The following EXD3 variants were observed in gnomAD, a reference collection of about 807,000 sequenced individuals.
EXD3 encodes exonuclease 3'-5' domain containing 3, also known as exonuclease mut-7 homolog.
EXD3 carries 92 observed loss-of-function variants against 98.0 expected under a neutral mutation model. The observed-to-expected ratio is 0.94, with a 90% CI of 0.79 to 1.12. The LOEUF (loss-of-function observed/expected upper bound fraction) is 1.12, where lower values mean the gene tolerates loss of function less well. Ranked by LOEUF, EXD3 falls within the 50% of genes most tolerant of loss-of-function variation. The pLI, the probability that EXD3 is intolerant of heterozygous loss-of-function variation, is 0.00. For synonymous variants in EXD3, 569 were observed against 526.0 expected (o/e 1.08, Z -1.12); for missense variants, 1,222 against 1,191.6 (o/e 1.03, Z -0.38).
Position 137,395,668 on chromosome 9 carries a change from G to GT in EXD3, c.-47-265_-47-264insA, listed in dbSNP as rs945603068. On this transcript the variant is annotated intron_variant, in intron 1 of 21. Transcript: ENST00000340951. This position sits in a 1 kb window ranked among gnomAD's most constrained non-coding sequence, Gnocchi z 6.5. ...GAGGGCAGGGGGTGGGAGGGGCCCTGGGGGGGGGCACAGTAGACAGACCCT... is the reference window on the plus strand; with the variant it reads ...GAGGGCAGGGGGTGGGAGGGGCCCTGTGGGGGGGGCACAGTAGACAGACCCT... 2.3e-4 allele frequency among the ~76,000 whole-genome samples: 34 copies of GT among 150,972 alleles called. 1 individual carries two copies. The highest frequency in any genetic ancestry group is 8.3e-4 in the African/African-American group (34 of 41,174).
At chr9:137,421,930 T>TAAA (rs1838540199) in intron 1 of EXD3, among the ~76,000 whole-genome samples, 1 of 152,178 alleles carries the variant, frequency 6.6e-6, no homozygotes, top group Non-Finnish European at 1.5e-5. Flanking sequence ...TTTGTTTTTT[T>TAAA]CATCCTGGCA....
At chr9:137,353,147 C>T (rs71510814) in intron 10 of EXD3, 31 of 984,454 alleles carry the variant, frequency 3.1e-5, no homozygotes, top group Non-Finnish European at 3.7e-5. Context: ...CACCGGCCCT[C>T]CTGGCCTCCA....
chr9:137,318,265 C>G (rs1831811357), intron 19 of EXD3, among the ~76,000 whole-genome samples: 1 of 152,108 alleles, frequency 6.6e-6, no homozygotes, highest in African/African-American at 2.4e-5. Flanking sequence ...TCCCCAGGGT[C>G]CCTGCCCAGC....
At chr9:137,377,123 A>G (rs1308309915) in intron 3 of EXD3, 1 of 152,142 alleles carries the variant, frequency 6.6e-6, no homozygotes, top group Non-Finnish European at 1.5e-5. Flanking sequence ...ACGTGGTTAC[A>G]GCCAAACACA....
chr9:137,415,803 T>C (rs566103934), intron 1 of EXD3, among the ~76,000 whole-genome samples: 6 of 152,316 alleles, frequency 3.9e-5, no homozygotes, highest in African/African-American at 1.4e-4. Flanking sequence ...ATAAACAGCA[T>C]TTAAAAACCA....
intron 19 of EXD3, among the ~76,000 whole-genome samples, chr9:137,314,347 C>A (rs563965164): frequency 6.6e-6 from 1 of 152,320 alleles, no homozygotes; most frequent in East Asian, 1.9e-4. Context: ...GCCAAAAGAA[C>A]CTGGCCAGTC....
intron 3 of EXD3, among the ~76,000 whole-genome samples, 159 bp downstream of exon 3, chr9:137,383,154 C>A (rs1255934658): frequency 6.6e-6 from 1 of 152,190 alleles, no homozygotes; most frequent in African/African-American, 2.4e-5. Flanking sequence ...ACACAGGCCA[C>A]CCTGGAGGCG....
At chr9:137,414,958 GCTCACTGCAAGCTTTGC>G (rs1331676776) in intron 1 of EXD3, among the ~76,000 whole-genome samples, 1 of 152,168 alleles carries the variant, frequency 6.6e-6, no homozygotes, top group African/African-American at 2.4e-5. Context: ...GGCGATCTCG[GCTCACTGCAAGCTTTGC>G]CTCCAGGGTT....
intron 17 of EXD3, among the ~76,000 whole-genome samples, chr9:137,341,096 G>A (rs371943707): frequency 7.2e-5 from 11 of 152,142 alleles, no homozygotes; most frequent in Middle Eastern, 3.2e-3. Flanking sequence ...CAGGAGGGTC[G>A]CTCGAGGCCA....
At position 137,354,708 on chromosome 9, in the gene EXD3, A is replaced by T. The variant is rs1471279279; in HGVS notation, c.823T>A (p.Phe275Ile). 6.2e-7 allele frequency: 1 copy of T among 1,610,576 alleles called. No homozygotes were observed. The highest frequency in any genetic ancestry group is 8.5e-7 in the Non-Finnish European group (1 of 1,179,652). The change falls in exon 9 of 22, where the codon TTT (phenylalanine) becomes ATT (isoleucine). Residue 275 changes from phenylalanine (F) to isoleucine (I), a missense_variant. Transcript: ENST00000340951. ...CCCTCCTGCTCACGAACCTCCACAAACCGCTTGTGGCACAGGTGCCGCAGG... is the reference window on the plus strand; with the variant it reads ...CCCTCCTGCTCACGAACCTCCACAATCCGCTTGTGGCACAGGTGCCGCAGG... ...AALRHLCHKR[F>I]VEKSLSQENW...
At chr9:137,314,447 C>T (rs547446588) in intron 19 of EXD3, among the ~76,000 whole-genome samples, 2 of 152,268 alleles carry the variant, frequency 1.3e-5, no homozygotes, top group East Asian at 1.9e-4. Context: ...CTGGGGATAG[C>T]GGCCGTCTTT....
intron 19 of EXD3, among the ~76,000 whole-genome samples, chr9:137,319,923 G>T (rs918767675): frequency 1.3e-5 from 2 of 152,210 alleles, no homozygotes; most frequent in Non-Finnish European, 2.9e-5. Flanking sequence ...AGGGTCCCCA[G>T]CCCCAACAAG....
intron 19 of EXD3, among the ~76,000 whole-genome samples, chr9:137,318,019 G>C (rs1831789594): frequency 6.6e-6 from 1 of 152,040 alleles, no homozygotes; most frequent in Non-Finnish European, 1.5e-5. Flanking sequence ...CTTCCTGTCT[G>C]TCCCTCTGTC....
chr9:137,400,029 C>CAAAAAAA (rs36029399), intron 1 of EXD3, among the ~76,000 whole-genome samples: 1 of 73,322 alleles, frequency 1.4e-5, no homozygotes. Flanking sequence ...AACTCCATCT[C>CAAAAAAA]AAAAAAAAAA....
At chr9:137,370,834 T>C (rs1245971108) in intron 5 of EXD3, among the ~76,000 whole-genome samples, 1 of 150,896 alleles carries the variant, frequency 6.6e-6, no homozygotes, top group Non-Finnish European at 1.5e-5. Context: ...TCTTTTTACC[T>C]TGATAAGCTG....
intron 2 of EXD3, among the ~76,000 whole-genome samples, chr9:137,391,621 G>C (rs1836917015): frequency 7.7e-6 from 1 of 130,282 alleles, no homozygotes; most frequent in Non-Finnish European, 1.6e-5. Flanking sequence ...GCCTCTGCCA[G>C]AGGGCCGGCC....
chr9:137,332,612 G>A (rs951879550), intron 17 of EXD3, among the ~76,000 whole-genome samples: 12 of 151,996 alleles, frequency 7.9e-5, no homozygotes, highest in African/African-American at 2.2e-4. Flanking sequence ...GGGAGGCCAA[G>A]GCGGGCAGAT....
intron 5 of EXD3, among the ~76,000 whole-genome samples, chr9:137,372,273 G>A (rs1835661106): frequency 6.6e-6 from 1 of 152,218 alleles, no homozygotes; most frequent in African/African-American, 2.4e-5. Flanking sequence ...GCCGAGGTGC[G>A]ACTGGTGCCC....
intron 2 of EXD3, among the ~76,000 whole-genome samples, chr9:137,384,132 C>T (rs910331367): frequency 6.6e-6 from 1 of 152,160 alleles, no homozygotes; most frequent in Non-Finnish European, 1.5e-5. Flanking sequence ...GTGAACTCCC[C>T]CTGGACCTGG....
Sources: allele counts gnomAD v4.1 joint callset (sites outside exome capture counted in the v4.1 genomes callset), GRCh38; gene constraint gnomAD v4.1.1; non-coding constraint Gnocchi (gnomAD v3.1); transcripts MANE v1.5; gene names NCBI Gene and HGNC (gene_info 2026-07-23, HGNC 2026-07-21).